RBM33: variants seen among roughly 807,000 people sequenced by gnomAD.
RBM33 encodes the protein RNA-binding protein 33.
In RBM33, 28 loss-of-function variants were observed where a neutral mutation model predicts 132.6. That is an observed-to-expected ratio of 0.21 (90% CI 0.16 to 0.29). RBM33 has a LOEUF of 0.29. Ranked by LOEUF, RBM33 falls within the 10% of genes least tolerant of loss-of-function variation. The pLI, the probability that RBM33 is intolerant of heterozygous loss-of-function variation, is 1.00. For synonymous variants in RBM33, 634 were observed against 593.0 expected, an observed-to-expected ratio of 1.07 and a Z score of -1.01; for missense variants, 1,291 against 1,518.5, an observed-to-expected ratio of 0.85 and a Z score of 2.49.
chr7:155,712,156 G>T lies in RBM33; in HGVS notation c.1201+701G>T, dbSNP rs183186390. Among the ~76,000 whole-genome samples the T allele has an allele frequency of 4.0e-3, 605 of 152,344 alleles. 5 individuals are homozygous for T. Among genetic ancestry groups the T allele is most frequent in the African/African-American group, 0.014 (592 of 41,580 alleles). On this transcript the variant is annotated intron_variant, in intron 8 of 17. Transcript: ENST00000401878. ...TCTCCCGGTGAGGATGTTTGCAGTG[G>T]TGAGTGTCCCTCTTTGGTTCCAGGC...
At chr7:155,751,461 G>T (rs1801683684) in intron 14 of RBM33, among the ~76,000 whole-genome samples, 1 of 152,186 alleles carries the variant, frequency 6.6e-6, no homozygotes, top group South Asian at 2.1e-4. Context: ...TATGTCCTCT[G>T]TAGCTAACCC....
At chr7:155,699,595 T>C (rs1799900377) in intron 5 of RBM33, among the ~76,000 whole-genome samples, 1 of 152,206 alleles carries the variant, frequency 6.6e-6, no homozygotes, top group Non-Finnish European at 1.5e-5. Flanking sequence ...GACGTCAGCA[T>C]ACTGAGTGGG....
At chr7:155,664,243 A>ATGTG in intron 1 of RBM33, among the ~76,000 whole-genome samples, 1 of 144,952 alleles carries the variant, frequency 6.9e-6, no homozygotes. Context: ...ATATATATAT[A>ATGTG]TGTGTGTGTG....
intron 15 of RBM33, among the ~76,000 whole-genome samples, chr7:155,766,235 C>T (rs140157176): frequency 6.2e-4 from 95 of 152,212 alleles, no homozygotes; most frequent in African/African-American, 2.3e-3. Context: ...TGGAGAGGTG[C>T]AGGCTTCGTC....
chr7:155,679,422 G>A (rs1799275917), intron 4 of RBM33, among the ~76,000 whole-genome samples: 1 of 152,156 alleles, frequency 6.6e-6, no homozygotes, highest in Non-Finnish European at 1.5e-5. Flanking sequence ...CACTTTGGGA[G>A]GTGCTACTTT....
At chr7:155,714,156 G>A (rs1800390952) in intron 8 of RBM33, among the ~76,000 whole-genome samples, 1 of 152,080 alleles carries the variant, frequency 6.6e-6, no homozygotes, top group Admixed American at 6.5e-5. Flanking sequence ...CAGCATGGTT[G>A]TGTGTCTCTG....
rs148749964 is a variant in RBM33, at chr7:155,649,211, A to G, written c.43+4292A>G. On this transcript the variant is annotated intron_variant, in intron 1 of 17. Transcript: ENST00000401878. ...GCTCCTTAGACTGGATAATTTCAAT[A>G]TTTTCCTGTTTCCTCACCTATAGCA... is the stretch of plus-strand genomic sequence containing the variant. 4.3e-3 allele frequency among the ~76,000 whole-genome samples: 658 copies of G among 152,072 alleles called. 3 individuals are homozygous for G. The highest frequency in any genetic ancestry group is 0.013 in the African/African-American group (550 of 41,480).
Position 155,779,446 on chromosome 7 carries a change from T to C in RBM33, c.*4405T>C, listed in dbSNP as rs1332572339. On this transcript the variant is annotated 3_prime_UTR_variant, in exon 18 of 18. Transcript: ENST00000401878. ...TTAAAGAGCATTTCAGTTAACTTTT[T>C]CAGCTATTTTTAAAGTTTGTGAATG... 2 of 152,224 alleles carry C rather than the reference T, an allele frequency of 1.3e-5. No individual in the cohort carries two copies. The highest frequency in any genetic ancestry group is 1.3e-4 in the Admixed American group (2 of 15,288). 9.4% of individuals were successfully genotyped at this position (152,224 alleles called of 1,614,324 possible).
At chr7:155,770,885 T>TACGGTTCTGGATGGGA (rs1554488861) in intron 16 of RBM33, among the ~76,000 whole-genome samples, 1 of 152,228 alleles carries the variant, frequency 6.6e-6, no homozygotes, top group Non-Finnish European at 1.5e-5. Flanking sequence ...GATTCGATCT[T>TACGGTTCTGGATGGGA]ACGGTTCTGG....
At chr7:155,749,516 T>C (rs991861799) in intron 14 of RBM33, among the ~76,000 whole-genome samples, 35 of 152,226 alleles carry the variant, frequency 2.3e-4, no homozygotes, top group Non-Finnish European at 7.3e-5. Flanking sequence ...CATGGTGTTA[T>C]TTGTTTCTTG....
At chr7:155,655,534 CTTTTTTTTTTT>C (rs756948005) in intron 1 of RBM33, among the ~76,000 whole-genome samples, 3 of 80,114 alleles carry the variant, frequency 3.7e-5, no homozygotes, top group Admixed American at 1.6e-4. Context: ...GGCTGTTTGC[CTTTTTTTTTTT>C]TTTTTTTTTT....
At chr7:155,752,715 T>C (rs1378997737) in intron 14 of RBM33, among the ~76,000 whole-genome samples, 1 of 152,124 alleles carries the variant, frequency 6.6e-6, no homozygotes, top group Non-Finnish European at 1.5e-5. Flanking sequence ...AGCACTTCGG[T>C]TGGGGTTAGA....
At chr7:155,772,840 T>C (rs1802475471) in intron 16 of RBM33, among the ~76,000 whole-genome samples, 1 of 152,226 alleles carries the variant, frequency 6.6e-6, no homozygotes, top group Non-Finnish European at 1.5e-5. Flanking sequence ...GACTTGAACC[T>C]TTGTATTTCT....
chr7:155,733,702 G>A (rs1015089746), intron 9 of RBM33, among the ~76,000 whole-genome samples: 1 of 152,182 alleles, frequency 6.6e-6, no homozygotes, highest in Non-Finnish European at 1.5e-5. Context: ...GTCACTGTAC[G>A]GTAGGGAGTG....
In RBM33 at chr7:155,711,211, TC is replaced by T; in HGVS notation, c.962del (p.Pro321LeufsTer45). ...GGTTAATTCCTCCACAGCCCCAGGC[TC>T]CCCCTCCACCGCCACCGCCGCCTCA... ...PTQPPVVPQA[P>X]PPPPPPPQQQ... is the part of the protein sequence containing the mutation. On this transcript the variant is annotated frameshift_variant, in exon 8 of 18. Coordinates refer to ENST00000401878, the MANE Select transcript of RBM33 (RefSeq NM_053043.3). LOFTEE classifies it high-confidence loss of function. The T allele has an allele frequency of 6.4e-7, 1 of 1,556,024 alleles. No homozygotes were observed. Among genetic ancestry groups the T allele is most frequent in the Admixed American group, 2.0e-5 (1 of 51,214 alleles).
chr7:155,673,940 G>GTTGTTGTTTGTTTTTTTTGT, intron 3 of RBM33, among the ~76,000 whole-genome samples: 1 of 54,214 alleles, frequency 1.8e-5, no homozygotes, highest in East Asian at 6.7e-4. Flanking sequence ...TTTAGGCTTA[G>GTTGTTGTTTGTTTTTTTTGT]TTTTTTTTTT....
intron 6 of RBM33, among the ~76,000 whole-genome samples, chr7:155,701,760 T>C (rs983350128): frequency 4.6e-5 from 7 of 152,130 alleles, no homozygotes; most frequent in Non-Finnish European, 1.0e-4. Context: ...CAATCTTGGC[T>C]CACAGCAACC....
chr7:155,758,880 G>A (rs1782036282), intron 14 of RBM33, among the ~76,000 whole-genome samples: 1 of 152,044 alleles, frequency 6.6e-6, no homozygotes, highest in Non-Finnish European at 1.5e-5. Context: ...AAACCAAGTA[G>A]CTGCATCCCA....
At chr7:155,701,304 AG>A (rs1799956324) in intron 6 of RBM33, 1 of 354,058 alleles carries the variant, frequency 2.8e-6, no homozygotes, top group African/African-American at 2.1e-5. Flanking sequence ...CAAGACCCTG[AG>A]GTTGTCAGGG....
Sources: gnomAD v4.1 joint callset for allele counts (sites outside exome capture counted in the v4.1 genomes callset) on GRCh38, gnomAD v4.1.1 for gene constraint, MANE v1.5 for transcripts, NCBI Gene and HGNC (gene_info 2026-07-23, HGNC 2026-07-21) for gene names.